Variants in USP25 observed in about 807,000 individuals in gnomAD.
The protein encoded by USP25 is ubiquitin specific peptidase 25, also known as ubiquitin carboxyl-terminal hydrolase 25.
In USP25, 85 loss-of-function variants were observed where a neutral mutation model predicts 158.5. The ratio of observed to expected loss-of-function variants is 0.54; its 90% confidence interval spans 0.45 to 0.64. USP25 has a LOEUF of 0.64. Ranked by LOEUF, USP25 falls within the 30% of genes least tolerant of loss-of-function variation. USP25 has a pLI of 0.00. For missense variants in USP25, 1,242 were observed against 1,327.3 expected (o/e 0.94, Z 1.00); for synonymous variants, 464 against 460.4 (o/e 1.01, Z -0.10).
At chr21:15,794,697 C>G (rs550484623) in intron 5 of USP25, among the ~76,000 whole-genome samples, 10 of 151,588 alleles carry the variant, frequency 6.6e-5, no homozygotes, top group Non-Finnish European at 1.5e-4. Context: ...TCCTAAAGCC[C>G]TGCTGTGTAT....
chr21:15,828,005 A>G (rs2037611867), intron 14 of USP25, among the ~76,000 whole-genome samples: 1 of 151,994 alleles, frequency 6.6e-6, no homozygotes, highest in African/African-American at 2.4e-5. Context: ...CCCTATTATC[A>G]TTCCCCAATT....
chr21:15,833,660 A>G (rs560949907), intron 17 of USP25, 112 bp downstream of exon 17: 18 of 962,240 alleles, frequency 1.9e-5, no homozygotes, highest in Non-Finnish European at 2.4e-5. Context: ...ATCAGTAGAA[A>G]TCATTTCAAA....
At chr21:15,846,663 C>T (rs1205300061) in intron 18 of USP25, among the ~76,000 whole-genome samples, 1 of 152,046 alleles carries the variant, frequency 6.6e-6, no homozygotes, top group African/African-American at 2.4e-5. Context: ...AATATCAAAA[C>T]AAAAGTTTAT....
Position 15,877,919 on chromosome 21 carries a change from G to A in USP25, c.3133G>A (p.Glu1045Lys), listed in dbSNP as rs1454457029. 1.9e-6 allele frequency: 3 copies of A among 1,613,706 alleles called. No individual in the cohort carries two copies. Among genetic ancestry groups the A allele is most frequent in the Non-Finnish European group, 2.5e-6 (3 of 1,179,796 alleles). ...GCCATTATTACTGGTGGATGAAATG[G>A]AAGAAAAGGATATACTAGCTGTAGA... ...FLPLLLVDEM[E>K]EKDILAVEDM... is the part of the protein sequence containing the mutation. Residue 1045 changes from glutamate (E) to lysine (K), a missense_variant, in exon 25 of 26, where the codon GAA becomes AAA. Physicochemically the swap from Glu to Lys is moderately conservative, Grantham distance 56 (BLOSUM62 1). Coordinates refer to ENST00000400183, the MANE Select transcript of USP25 (RefSeq NM_001283041.3).
chr21:15,741,277 C>T (rs1032076689), intron 1 of USP25, among the ~76,000 whole-genome samples: 2 of 145,302 alleles, frequency 1.4e-5, no homozygotes. Context: ...ATTCATGTAC[C>T]TTTTGATGTA....
At chr21:15,823,050 T>C in intron 10 of USP25, among the ~76,000 whole-genome samples, 1 of 152,040 alleles carries the variant, frequency 6.6e-6, no homozygotes, top group South Asian at 2.1e-4. Flanking sequence ...ATTCATGCTT[T>C]TTTTGGATGT....
chr21:15,780,992 A>C (rs1230275431), intron 4 of USP25, among the ~76,000 whole-genome samples: 2 of 152,224 alleles, frequency 1.3e-5, no homozygotes, highest in Non-Finnish European at 1.5e-5. Flanking sequence ...CAGATTATAG[A>C]TGATCTGGAA....
At chr21:15,865,947 G>C (rs764061650) in intron 21 of USP25, among the ~76,000 whole-genome samples, 11 of 152,006 alleles carry the variant, frequency 7.2e-5, no homozygotes, top group Non-Finnish European at 1.3e-4. Context: ...TCTTGAGCTT[G>C]CTTAATAGAT....
In USP25 at chr21:15,813,304, A is replaced by G. The variant is rs186675589; in HGVS notation, c.931+2094A>G. On this transcript the variant is annotated intron_variant, in intron 9 of 25. Transcript: ENST00000400183. Reference sequence around the variant, plus strand: ...CTCTTCATTCTCTGAGAAAATCTTTACCTCAGATTTCATAGATTTACTGTC... The same window carrying G: ...CTCTTCATTCTCTGAGAAAATCTTTGCCTCAGATTTCATAGATTTACTGTC... Among the ~76,000 whole-genome samples, 15 of 152,270 alleles carry G rather than the reference A, an allele frequency of 9.9e-5. No homozygotes were observed. The East Asian group carries it at 2.7e-3, about 27-fold the overall frequency.
rs116066575 is a variant in USP25 at position 15,755,325 on chromosome 21, C to T, written c.46-7566C>T. On this transcript the variant is annotated intron_variant, in intron 1 of 25. Coordinates refer to ENST00000400183, the MANE Select transcript of USP25 (RefSeq NM_001283041.3). ...TTTAGCTGAAGGAGCCAAGGACTGACTTAATGAGTCACCCACCGCTTAACA... is the reference window on the plus strand; with the variant it reads ...TTTAGCTGAAGGAGCCAAGGACTGATTTAATGAGTCACCCACCGCTTAACA... 1.3e-3 allele frequency among the ~76,000 whole-genome samples: 191 copies of T among 152,286 alleles called. 1 individual carries two copies. Among genetic ancestry groups the T allele is most frequent in the African/African-American group, 4.3e-3 (180 of 41,546 alleles).
chr21:15,788,410 C>G (rs2035413649), intron 4 of USP25, among the ~76,000 whole-genome samples: 1 of 152,060 alleles, frequency 6.6e-6, no homozygotes, highest in African/African-American at 2.4e-5. Flanking sequence ...AATCAATAAC[C>G]AAGAAGTAGC....
At chr21:15,800,314 A>T (rs1193198415) in intron 6 of USP25, among the ~76,000 whole-genome samples, 1 of 151,258 alleles carries the variant, frequency 6.6e-6, no homozygotes, top group Non-Finnish European at 1.5e-5. Flanking sequence ...GACAACACAC[A>T]CACCAGGGCC....
At chr21:15,788,852 A>G (rs1402929952) in intron 4 of USP25, among the ~76,000 whole-genome samples, 1 of 152,064 alleles carries the variant, frequency 6.6e-6, no homozygotes. Flanking sequence ...AATGGCTATT[A>G]TTTTTAAATC....
At position 15,878,437 on chromosome 21, in the gene USP25, ATGT is replaced by A. The variant is rs777888903; in HGVS notation, c.3344_3346del (p.Leu1115del). ...ACTCTGTGAGCGATTTGCCCGAATCATGTTGTCCCTCAGTCGAACTCCTGCTGA... is the reference window on the plus strand; with the variant it reads ...ACTCTGTGAGCGATTTGCCCGAATCATGTCCCTCAGTCGAACTCCTGCTGA... On this transcript the variant is annotated inframe_deletion, in exon 26 of 26. Transcript: ENST00000400183. 1.9e-6 allele frequency: 3 copies of A among 1,613,898 alleles called. No individual in the cohort carries two copies. The Admixed American group carries it at 5.0e-5, about 27-fold the overall frequency.
intron 1 of USP25, among the ~76,000 whole-genome samples, chr21:15,742,107 C>CTTT (rs11339410): frequency 1.4e-5 from 2 of 140,838 alleles, no homozygotes; most frequent in African/African-American, 5.2e-5. Context: ...AAGATACTTC[C>CTTT]TTTTTTTTTT....
chr21:15,736,596 C>T (rs2031543852), intron 1 of USP25, among the ~76,000 whole-genome samples: 1 of 150,882 alleles, frequency 6.6e-6, no homozygotes, highest in Non-Finnish European at 1.5e-5. Context: ...AATTTTGGCT[C>T]TTTTAATTTT....
At chr21:15,866,496 T>C (rs967393033) in intron 22 of USP25, 152 bp downstream of exon 22, 1 of 446,086 alleles carries the variant, frequency 2.2e-6, no homozygotes, top group Non-Finnish European at 3.8e-6. Flanking sequence ...AATTAATAAT[T>C]TTATATGTGA....
chr21:15,838,721 A>T (rs2038182759), intron 17 of USP25, among the ~76,000 whole-genome samples: 1 of 152,196 alleles, frequency 6.6e-6, no homozygotes, highest in African/African-American at 2.4e-5. Flanking sequence ...GTATTGACTT[A>T]CTAGTAAGTC....
In USP25 at chr21:15,843,333, A is replaced by C. The variant is rs1279480225; in HGVS notation, c.2337+793A>C. Among the ~76,000 whole-genome samples, 1 of 152,214 alleles carries C rather than the reference A, an allele frequency of 6.6e-6. No homozygotes were observed. Among genetic ancestry groups the C allele is most frequent in the Non-Finnish European group, 1.5e-5 (1 of 68,026 alleles). ...AAGATTCCCCTTGACAACTAAAAAG[A>C]GTACGACATATCATAATTTTACAAC... On this transcript the variant is annotated intron_variant, in intron 18 of 25. Coordinates refer to ENST00000400183, the MANE Select transcript of USP25 (RefSeq NM_001283041.3). The surrounding 1 kb of genome is among the most constrained non-coding windows in gnomAD (Gnocchi z 4.0).
Sources: gnomAD v4.1 joint callset for allele counts (sites outside exome capture counted in the v4.1 genomes callset) on GRCh38, gnomAD v4.1.1 for gene constraint, Gnocchi (gnomAD v3.1) non-coding constraint, MANE v1.5 for transcripts, NCBI Gene and HGNC (gene_info 2026-07-23, HGNC 2026-07-21) for gene names.